VANGL2: variants seen among roughly 807,000 people sequenced by gnomAD.
VANGL2 encodes VANGL planar cell polarity protein 2, also known as vang-like protein 2.
Under a neutral mutation model 50.2 loss-of-function variants are expected in VANGL2, and 14 were observed. That is an observed-to-expected ratio of 0.28 (90% CI 0.18 to 0.44). The LOEUF (loss-of-function observed/expected upper bound fraction) is 0.44. Among genes scored for constraint, VANGL2 ranks in the 20% least tolerant of loss-of-function variants. The pLI is 1.00. For synonymous variants in VANGL2, 295 were observed against 297.2 expected, an observed-to-expected ratio of 0.99 and a Z score of 0.08; for missense variants, 533 against 701.5, an observed-to-expected ratio of 0.76 and a Z score of 2.71.
intron 1 of VANGL2, among the ~76,000 whole-genome samples, chr1:160,414,662 A>G (rs1223966434): frequency 6.6e-6 from 1 of 152,128 alleles, no homozygotes; most frequent in Admixed American, 6.5e-5. Context: ...AGCAGAATAC[A>G]TGGTTCATAG....
Position 160,425,165 on chromosome 1 carries a change from C to T in VANGL2, c.1353C>T (p.His451=). The T allele has an allele frequency of 1.2e-6, 2 of 1,614,164 alleles. No individual in the cohort carries two copies. Among genetic ancestry groups the T allele is most frequent in the Non-Finnish European group, 1.7e-6 (2 of 1,180,030 alleles). Residue 451 remains histidine, a synonymous_variant, in exon 8 of 8, where the codon CAC becomes CAT. Coordinates refer to ENST00000368061, the MANE Select transcript of VANGL2 (RefSeq NM_020335.3). ...CGGCTGGACCTACCATCCAGTACCA[C>T]AAGGAACGCTGGCTGGCCAAACAGT... ...YLAAGPTIQY[H]KERWLAKQWT...
intron 1 of VANGL2, among the ~76,000 whole-genome samples, chr1:160,403,115 C>T (rs188927622): frequency 2.0e-5 from 3 of 150,480 alleles, no homozygotes; most frequent in South Asian, 2.1e-4. Flanking sequence ...GAACGGGGAA[C>T]GGGGCAGAGT....
chr1:160,410,809 G>C (rs750208833), intron 1 of VANGL2, among the ~76,000 whole-genome samples: 1 of 152,002 alleles, frequency 6.6e-6, no homozygotes, highest in Non-Finnish European at 1.5e-5. Flanking sequence ...CCTGATCCCA[G>C]AGCTCAGACA....
At chr1:160,412,943 G>A (rs766566388) in intron 1 of VANGL2, among the ~76,000 whole-genome samples, 1 of 152,174 alleles carries the variant, frequency 6.6e-6, no homozygotes, top group Non-Finnish European at 1.5e-5. Flanking sequence ...TGGCTACAGT[G>A]TTCAGTACAG....
chr1:160,417,905 A>G (rs1259101529), intron 3 of VANGL2, among the ~76,000 whole-genome samples: 1 of 118,314 alleles, frequency 8.5e-6, no homozygotes, highest in East Asian at 2.5e-4. Flanking sequence ...TAGGACTTCC[A>G]TAATTTTTTT....
At chr1:160,418,036 C>T (rs1411875984) in intron 3 of VANGL2, among the ~76,000 whole-genome samples, 3 of 152,066 alleles carry the variant, frequency 2.0e-5, no homozygotes, top group South Asian at 2.1e-4. Flanking sequence ...ATCAGCCTCC[C>T]GAGTAGCTGG....
At chr1:160,411,801 G>T (rs1233446433) in intron 1 of VANGL2, among the ~76,000 whole-genome samples, 1 of 152,094 alleles carries the variant, frequency 6.6e-6, no homozygotes, top group Non-Finnish European at 1.5e-5. Flanking sequence ...AAATTTATCT[G>T]TAGGGGAAAT....
chr1:160,423,640 A>T (rs1651347066), intron 6 of VANGL2, among the ~76,000 whole-genome samples: 1 of 152,112 alleles, frequency 6.6e-6, no homozygotes, highest in Non-Finnish European at 1.5e-5. Context: ...GCTCCATCAG[A>T]TGTCAGTTAA....
chr1:160,407,446 C>G (rs547190846), intron 1 of VANGL2, among the ~76,000 whole-genome samples: 4 of 152,274 alleles, frequency 2.6e-5, no homozygotes, highest in African/African-American at 7.2e-5. Context: ...TACAATCCAG[C>G]CTTTGCTGAC....
chr1:160,421,026 A>G lies in VANGL2; in HGVS notation c.938-26A>G, dbSNP rs781657677. The G allele has an allele frequency of 3.1e-6, 5 of 1,613,990 alleles. No homozygotes were observed. The Admixed American group carries it at 6.7e-5, about 22-fold the overall frequency. ...AGAGAGGCCACACTCTGATGTGACCATCTCCTCTATCCTGTTCCTGTGCAG... is the reference window on the plus strand; with the variant it reads ...AGAGAGGCCACACTCTGATGTGACCGTCTCCTCTATCCTGTTCCTGTGCAG... On this transcript the variant is annotated intron_variant, in intron 5 of 7. Coordinates refer to ENST00000368061, the MANE Select transcript of VANGL2 (RefSeq NM_020335.3).
chr1:160,416,292 A>G (rs17371401), intron 3 of VANGL2, 110 bp downstream of exon 3: 397,411 of 1,571,740 alleles, frequency 0.25, 51,260 homozygotes, highest in Middle Eastern at 0.28. Flanking sequence ...TCAGACAGCC[A>G]TCAGATCGGG....
At chr1:160,418,470 T>A (rs1328452227) in intron 3 of VANGL2, among the ~76,000 whole-genome samples, 2 of 151,662 alleles carry the variant, frequency 1.3e-5, no homozygotes, top group Non-Finnish European at 2.9e-5. Flanking sequence ...TTTTTTTTTT[T>A]AAAGGTTCAC....
intron 1 of VANGL2, among the ~76,000 whole-genome samples, chr1:160,403,061 G>T (rs1474496819): frequency 6.6e-6 from 1 of 152,074 alleles, no homozygotes; most frequent in African/African-American, 2.4e-5. Flanking sequence ...CCTCCCTAAG[G>T]CCTGGAGATA....
rs1238626049 is a variant in VANGL2, at chr1:160,428,183, G to A, written c.*2805G>A. The A allele has an allele frequency of 6.6e-6, 1 of 152,574 alleles. No individual in the cohort carries two copies. Among genetic ancestry groups the A allele is most frequent in the African/African-American group, 2.4e-5 (1 of 41,378 alleles). 9.5% of individuals were successfully genotyped at this position (152,574 alleles called of 1,614,324 possible). On this transcript the variant is annotated 3_prime_UTR_variant, in exon 8 of 8. Coordinates refer to ENST00000368061, the MANE Select transcript of VANGL2 (RefSeq NM_020335.3). ...CTGCGATGAGACATCGGACTCTCCG[G>A]AACTTTCTCATCTGACACGTCTTTT...
Position 160,419,621 on chromosome 1 carries a change from C to A in VANGL2, c.800+12C>A. On this transcript the variant is annotated intron_variant, in intron 4 of 7. Transcript: ENST00000368061. This position sits in a 1 kb window ranked among gnomAD's most constrained non-coding sequence, Gnocchi z 5.8. ...GTTGGCCATCTCAGGTACTAGCCCA[C>A]GGCTGGAGAAGGGTTGGGAGGGAAA... 1.3e-6 allele frequency: 2 copies of A among 1,597,780 alleles called. No homozygotes were observed. Among genetic ancestry groups the A allele is most frequent in the Non-Finnish European group, 1.7e-6 (2 of 1,179,656 alleles).
chr1:160,409,697 C>T (rs1356089993), intron 1 of VANGL2, among the ~76,000 whole-genome samples: 4 of 152,202 alleles, frequency 2.6e-5, no homozygotes, highest in South Asian at 2.1e-4. Context: ...AGCTGTGTCT[C>T]GAGTCTCTGC....
chr1:160,421,805 T>C (rs1240524686), intron 6 of VANGL2, among the ~76,000 whole-genome samples: 4 of 152,188 alleles, frequency 2.6e-5, no homozygotes, highest in South Asian at 2.1e-4. Context: ...AATAAAGGGA[T>C]GTGAGCTTTA....
At chr1:160,420,364 C>T in intron 4 of VANGL2, 47 bp from the exon 5 acceptor site, 1 of 1,613,072 alleles carries the variant, frequency 6.2e-7, no homozygotes, top group Non-Finnish European at 8.5e-7. Context: ...CCCCTGTGCC[C>T]CTTGGTCTGT....
intron 6 of VANGL2, among the ~76,000 whole-genome samples, chr1:160,422,779 A>G (rs1651315925): frequency 6.6e-6 from 1 of 152,082 alleles, no homozygotes; most frequent in African/African-American, 2.4e-5. Flanking sequence ...CTTTCACTCC[A>G]GCGCCACATT....
Sources: allele counts gnomAD v4.1 joint callset (sites outside exome capture counted in the v4.1 genomes callset), GRCh38; gene constraint gnomAD v4.1.1; non-coding constraint Gnocchi (gnomAD v3.1); transcripts MANE v1.5; gene names NCBI Gene and HGNC (gene_info 2026-07-23, HGNC 2026-07-21).